The following GDA variants were observed in gnomAD, a reference collection of about 807,000 sequenced individuals.
GDA encodes the protein guanine deaminase, also known as cytoplasmic PSD-95 interactor.
Under a neutral mutation model 59.6 loss-of-function variants are expected in GDA, and 18 were observed. The observed-to-expected ratio is 0.30, with a 90% CI of 0.21 to 0.45. The LOEUF (loss-of-function observed/expected upper bound fraction) is 0.45, where lower values mean the gene tolerates loss of function less well. Among genes scored for constraint, GDA ranks in the 20% least tolerant of loss-of-function variants. GDA has a pLI of 1.00. For missense variants in GDA, 427 were observed against 552.3 expected (o/e 0.77, Z 2.27); for synonymous variants, 201 against 201.1 (o/e 1.00, Z 0.00).
intron 1 of GDA, among the ~76,000 whole-genome samples, chr9:72,161,574 C>G (rs2130847037): frequency 6.6e-6 from 1 of 152,182 alleles, no homozygotes; most frequent in East Asian, 1.9e-4. Flanking sequence ...TTCTCAAAGG[C>G]CTTTAACTCT....
intron 10 of GDA, among the ~76,000 whole-genome samples, chr9:72,239,644 G>A (rs756380719): frequency 6.6e-6 from 1 of 152,066 alleles, no homozygotes; most frequent in Non-Finnish European, 1.5e-5. Flanking sequence ...TAGCAATAAA[G>A]AAGGAAGCAG....
chr9:72,214,732 TTC>T, intron 5 of GDA: 3 of 337,996 alleles, frequency 8.9e-6, no homozygotes, highest in South Asian at 2.3e-5. Flanking sequence ...TTTTTTTTTT[TTC>T]TTTTCTTTTC....
intron 1 of GDA, 81 bp downstream of exon 1, chr9:72,149,763 CGG>C: frequency 7.0e-7 from 1 of 1,418,472 alleles, no homozygotes. Flanking sequence ...TCGCGTAGCC[CGG>C]GGTTCGCTCG....
rs546242871 is a variant in GDA, at chr9:72,233,257, A to G, written c.988+2076A>G. 1.5e-4 allele frequency among the ~76,000 whole-genome samples: 23 copies of G among 152,378 alleles called. 1 individual carries two copies. The highest frequency in any genetic ancestry group is 1.4e-3 in the Admixed American group (22 of 15,312). On this transcript the variant is annotated intron_variant, in intron 10 of 13. Coordinates refer to ENST00000358399, the MANE Select transcript of GDA (RefSeq NM_004293.5). ...TTGACTTGCACAAATATTAGGTAGAAGAAACCCACATGAAATTTAACAGAA... is the reference window on the plus strand; with the variant it reads ...TTGACTTGCACAAATATTAGGTAGAGGAAACCCACATGAAATTTAACAGAA...
At chr9:72,146,615 C>T (rs976580660), upstream of GDA, among the ~76,000 whole-genome samples, 2 of 152,220 alleles carry the variant, frequency 1.3e-5, no homozygotes, top group South Asian at 4.2e-4. Flanking sequence ...TTCAGCCTCC[C>T]TAGTAGCTGG....
At chr9:72,121,431 T>C (rs2130575516) in intron 1 of GDA, among the ~76,000 whole-genome samples, 1 of 152,218 alleles carries the variant, frequency 6.6e-6, no homozygotes, top group Non-Finnish European at 1.5e-5. Flanking sequence ...ATCCCGTCTC[T>C]ACTAAAAATA....
intron 1 of GDA, among the ~76,000 whole-genome samples, chr9:72,165,952 A>AT (rs1226995819): frequency 6.6e-6 from 1 of 151,852 alleles, no homozygotes; most frequent in East Asian, 1.9e-4. Context: ...GCATTTTAAG[A>AT]TTTCCCCCTT....
intron 10 of GDA, among the ~76,000 whole-genome samples, chr9:72,239,335 T>C (rs1839359292): frequency 6.6e-6 from 1 of 152,238 alleles, no homozygotes; most frequent in African/African-American, 2.4e-5. Flanking sequence ...TCAATTTTTT[T>C]CCAGTAAATT....
At chr9:72,138,739 G>A (rs903814818) in intron 1 of GDA, among the ~76,000 whole-genome samples, 1 of 152,160 alleles carries the variant, frequency 6.6e-6, no homozygotes, top group Admixed American at 6.5e-5. Context: ...TTAAGGATAA[G>A]AGTCATGACT....
chr9:72,204,148 G>A (rs923601644), intron 3 of GDA, among the ~76,000 whole-genome samples: 3 of 152,210 alleles, frequency 2.0e-5, no homozygotes, highest in South Asian at 2.1e-4. Context: ...CTTGCCTCAC[G>A]TAATTATAAA....
chr9:72,115,060 C>T (rs1486219646), intron 1 of GDA, among the ~76,000 whole-genome samples: 1 of 152,062 alleles, frequency 6.6e-6, no homozygotes. Flanking sequence ...TATGATCTAC[C>T]GGGAGGAGCA....
At chr9:72,188,709 C>T (rs1832146973) in intron 1 of GDA, among the ~76,000 whole-genome samples, 1 of 152,148 alleles carries the variant, frequency 6.6e-6, no homozygotes, top group African/African-American at 2.4e-5. Context: ...ACAGAGAGTC[C>T]TCACTGGGGT....
At chr9:72,210,535 T>C (rs1302139434) in intron 3 of GDA, 152 bp from the exon 4 acceptor site, 3 of 568,670 alleles carry the variant, frequency 5.3e-6, no homozygotes, top group Non-Finnish European at 9.3e-6. Flanking sequence ...TAAATACCTT[T>C]TGCCATTTAC....
chr9:72,195,144 G>A (rs12380886), intron 1 of GDA, among the ~76,000 whole-genome samples: 51,867 of 151,992 alleles, frequency 0.34, 10,223 homozygotes, highest in Non-Finnish European at 0.45. Context: ...TAATATAGTT[G>A]TCAAATTGGT....
chr9:72,161,207 T>C (rs756630852), intron 1 of GDA, among the ~76,000 whole-genome samples: 1 of 152,082 alleles, frequency 6.6e-6, no homozygotes, highest in African/African-American at 2.4e-5. Flanking sequence ...CGCCCCGGCC[T>C]GTGTCCTACT....
intron 1 of GDA, among the ~76,000 whole-genome samples, chr9:72,158,528 G>A (rs772872922): frequency 1.3e-5 from 2 of 151,742 alleles, no homozygotes; most frequent in African/African-American, 4.8e-5. Flanking sequence ...GGGAGGCAGA[G>A]CTTGCAGTGA....
At chr9:72,257,508 C>T (rs937912184), downstream of GDA, 1 of 152,290 alleles carries the variant, frequency 6.6e-6, no homozygotes, top group African/African-American at 2.4e-5. Flanking sequence ...TGGCCACTCT[C>T]TACCCTCTCG....
chr9:72,193,600 A>G (rs190060290), intron 1 of GDA, among the ~76,000 whole-genome samples: 18 of 152,366 alleles, frequency 1.2e-4, no homozygotes, highest in Non-Finnish European at 2.4e-4. Context: ...TGAAGCCAGC[A>G]CAGCACTGGG....
At chr9:72,180,805 C>T (rs1275293179) in intron 1 of GDA, among the ~76,000 whole-genome samples, 2 of 152,104 alleles carry the variant, frequency 1.3e-5, no homozygotes, top group Non-Finnish European at 2.9e-5. Context: ...AATTTGCATC[C>T]CAAAGTGATT....
Sources: allele counts gnomAD v4.1 joint callset (sites outside exome capture counted in the v4.1 genomes callset), GRCh38; gene constraint gnomAD v4.1.1; transcripts MANE v1.5; gene names NCBI Gene and HGNC (gene_info 2026-07-23, HGNC 2026-07-21).